Variants in FBN3 observed in about 807,000 individuals in gnomAD.
The protein encoded by FBN3 is fibrillin-3.
FBN3 carries 234 observed loss-of-function variants against 330.1 expected under a neutral mutation model. The ratio of observed to expected loss-of-function variants is 0.71; its 90% CI spans 0.64 to 0.79. FBN3 has a LOEUF of 0.79. FBN3 is among the 30% of genes least tolerant of loss of function. FBN3 has a pLI of 0.00. For missense variants in FBN3, 3,606 were observed against 3,886.9 expected (o/e 0.93, Z 1.92); for synonymous variants, 1,458 against 1,517.3 (o/e 0.96, Z 0.91).
intron 63 of FBN3, among the ~76,000 whole-genome samples, chr19:8,068,113 G>A (rs376443082): frequency 3.3e-5 from 5 of 152,072 alleles, no homozygotes; most frequent in South Asian, 2.1e-4. Context: ...TAGGCTGGGC[G>A]CAGTGGCTCA....
intron 8 of FBN3, among the ~76,000 whole-genome samples, chr19:8,139,166 A>G (rs2083356867): frequency 6.6e-6 from 1 of 151,306 alleles, no homozygotes; most frequent in South Asian, 2.1e-4. Context: ...GGCCAACATG[A>G]CGAAACCCAG....
intron 40 of FBN3, 67 bp downstream of exon 40, chr19:8,102,657 C>T (rs2082351355): frequency 6.7e-7 from 1 of 1,495,820 alleles, no homozygotes; most frequent in African/African-American, 1.4e-5. Flanking sequence ...CCTAAGGGCA[C>T]TGTGTTTCCT....
chr19:8,144,179 T>A (rs1306918592), intron 6 of FBN3, among the ~76,000 whole-genome samples: 7 of 151,900 alleles, frequency 4.6e-5, no homozygotes, highest in African/African-American at 1.7e-4. Context: ...GACAGGCAGA[T>A]CACTTGAGGC....
At chr19:8,075,472 A>G (rs1200497916) in intron 59 of FBN3, 61 bp from the exon 60 acceptor site, 8 of 1,556,594 alleles carry the variant, frequency 5.1e-6, no homozygotes, top group Non-Finnish European at 7.0e-6. Context: ...GTCAGGTGAC[A>G]CAATGCCAGT....
At chr19:8,090,848 T>C (rs537367818) in intron 48 of FBN3, among the ~76,000 whole-genome samples, 55 of 152,240 alleles carry the variant, frequency 3.6e-4, no homozygotes, top group Non-Finnish European at 6.8e-4. Flanking sequence ...GGTGTTCTCA[T>C]GCCAGGAAGA....
Position 8,081,038 on chromosome 19 carries a change from G to A in FBN3, c.7418C>T (p.Pro2473Leu), listed in dbSNP as rs1315446101. 29 of 1,613,348 alleles carry A rather than the reference G, an allele frequency of 1.8e-5. No homozygotes were observed. The highest frequency in any genetic ancestry group is 6.7e-5 in the East Asian group (3 of 44,882). ...NTVGAFTCRC[P>L]PGFTQHHQAC... ...CTGGTGGTGCTGGGTGAAGCCGGGCGGACAGCGGCAGGTGAAGGCGCCCAC... is the reference window on the plus strand; with the variant it reads ...CTGGTGGTGCTGGGTGAAGCCGGGCAGACAGCGGCAGGTGAAGGCGCCCAC... Residue 2473 changes from proline to leucine, a missense_variant, in exon 59 of 64, where the codon CCG (proline) becomes CTG (leucine). Coordinates refer to ENST00000600128, the MANE Select transcript of FBN3 (RefSeq NM_032447.5).
At position 8,125,980 on chromosome 19, in the gene FBN3, G is replaced by A. The variant is rs2082971499; in HGVS notation, c.2643C>T (p.Pro881=). The A allele has an allele frequency of 6.2e-7, 1 of 1,613,836 alleles. No homozygotes were observed. The highest frequency in any genetic ancestry group is 8.5e-7 in the Non-Finnish European group (1 of 1,180,010). The part of the protein sequence containing the change: ...NECESFPGVC[P]NGRCVNTAGS... ...CAGCAGTGTTGACGCAACGCCCGTTGGGACAGACTCCCGGGAAGGACTCAC... is the reference window on the plus strand; with the variant it reads ...CAGCAGTGTTGACGCAACGCCCGTTAGGACAGACTCCCGGGAAGGACTCAC... The change falls in exon 22 of 64, where the codon CCC becomes CCT. Residue 881 remains proline, a synonymous_variant. Transcript: ENST00000600128.
chr19:8,127,765 C>G (rs2083028369), intron 18 of FBN3, among the ~76,000 whole-genome samples: 1 of 152,180 alleles, frequency 6.6e-6, no homozygotes, highest in Admixed American at 6.5e-5. Flanking sequence ...GGGTGGATCA[C>G]TGAGGTCAGG....
chr19:8,107,603 A>G (rs761834890), intron 37 of FBN3, among the ~76,000 whole-genome samples: 8 of 144,624 alleles, frequency 5.5e-5, no homozygotes, highest in Non-Finnish European at 1.1e-4. Flanking sequence ...ATGGACAGAA[A>G]GATGGGGGAT....
chr19:8,127,059 GT>G (rs869282535), intron 18 of FBN3, among the ~76,000 whole-genome samples: 215 of 103,880 alleles, frequency 2.1e-3, no homozygotes, highest in African/African-American at 6.1e-3. Context: ...TTTTTTTTTT[GT>G]TTTTTTTTTT....
chr19:8,138,172 GATCCCACGCGC>G lies in FBN3; in HGVS notation c.1159_1169del (p.Ala387ProfsTer9). The stretch of plus-strand genomic sequence containing the variant: ...TAGAGTTGCCAGGGCCCAGGCTGGG[GATCCCACGCGC>G]ATCAGAGCCATGGGGGTTGAGTCGC... On this transcript the variant is annotated frameshift_variant, in exon 10 of 64. Coordinates refer to ENST00000600128, the MANE Select transcript of FBN3 (RefSeq NM_032447.5). LOFTEE classifies it high-confidence loss of function. 6.2e-7 allele frequency: 1 copy of G among 1,612,372 alleles called. No individual in the cohort carries two copies. Among genetic ancestry groups the G allele is most frequent in the South Asian group, 1.1e-5 (1 of 90,892 alleles).
intron 13 of FBN3, 25 bp downstream of exon 13, chr19:8,135,936 G>GGGGTCCCCCCCCCCCCC: frequency 1.5e-6 from 1 of 668,778 alleles, no homozygotes; most frequent in Non-Finnish European, 2.4e-6. Flanking sequence ...GGAAGCCCCT[G>GGGGTCCCCCCCCCCCCC]CCCACCCGCC....
intron 58 of FBN3, 22 bp downstream of exon 58, chr19:8,081,336 G>A (rs1025298198): frequency 6.3e-7 from 1 of 1,583,214 alleles, no homozygotes. Context: ...GTGGGAGTGG[G>A]GGAGAGTTGA....
In FBN3 at chr19:8,149,236, G is replaced by A. The variant is rs2083620409; in HGVS notation, c.-18+213C>T. 6.6e-6 allele frequency among the ~76,000 whole-genome samples: 1 copy of A among 151,480 alleles called. No individual in the cohort carries two copies. The highest frequency in any genetic ancestry group is 2.1e-4 in the South Asian group (1 of 4,812). Reference sequence around the variant, plus strand: ...GTGGGGTCAGGGGCCCCGCGCCCCGGCCGAGCCCCTCCCGCCGGGTCCCCG... The same window carrying A: ...GTGGGGTCAGGGGCCCCGCGCCCCGACCGAGCCCCTCCCGCCGGGTCCCCG... On this transcript the variant is annotated intron_variant, in intron 1 of 63. Coordinates refer to ENST00000600128, the MANE Select transcript of FBN3 (RefSeq NM_032447.5). The surrounding 1 kb of genome is among the most constrained non-coding windows in gnomAD (Gnocchi z 5.5).
Position 8,121,198 on chromosome 19 carries a change from T to C in FBN3, c.3211+60A>G. 1 of 1,019,638 alleles carries C rather than the reference T, an allele frequency of 9.8e-7. No individual in the cohort carries two copies. Among genetic ancestry groups the C allele is most frequent in the Non-Finnish European group, 1.4e-6 (1 of 709,732 alleles). The allele number at this position is 1,019,638 out of a possible 1,614,324, so 63.2% of individuals were successfully genotyped here. On this transcript the variant is annotated intron_variant, in intron 25 of 63. Coordinates refer to ENST00000600128, the MANE Select transcript of FBN3 (RefSeq NM_032447.5). This position sits in a 1 kb window ranked among gnomAD's most constrained non-coding sequence, Gnocchi z 4.5. ...CAGCAACAGCCGTCCCCACCCTCCC[T>C]CTCCTCAATGCCCTCCCTGCCCAGG...
chr19:8,120,247 G>A (rs1371213050), intron 25 of FBN3, among the ~76,000 whole-genome samples: 1 of 145,472 alleles, frequency 6.9e-6, no homozygotes, highest in Non-Finnish European at 1.5e-5. Flanking sequence ...TCGGCTCACT[G>A]CAACCTCCAC....
chr19:8,111,272 C>G (rs1457277302), intron 32 of FBN3, 89 bp from the exon 33 acceptor site: 1 of 1,458,730 alleles, frequency 6.9e-7, no homozygotes, highest in Admixed American at 2.2e-5. Context: ...TGGAACACTT[C>G]GCTGTCAGCC....
chr19:8,089,245 ATGAG>A (rs1273782336), intron 51 of FBN3, among the ~76,000 whole-genome samples: 1 of 152,182 alleles, frequency 6.6e-6, no homozygotes, highest in African/African-American at 2.4e-5. Context: ...GAGTGAGTGA[ATGAG>A]TGAATGAATG....
At chr19:8,067,850 C>T (rs544424222) in intron 63 of FBN3, among the ~76,000 whole-genome samples, 1 of 152,188 alleles carries the variant, frequency 6.6e-6, no homozygotes, top group Admixed American at 6.6e-5. Context: ...ATTGCTTGAG[C>T]CCAGGAGTTC....
Sources: allele counts gnomAD v4.1 joint callset (sites outside exome capture counted in the v4.1 genomes callset), GRCh38; gene constraint gnomAD v4.1.1; non-coding constraint Gnocchi (gnomAD v3.1); transcripts MANE v1.5; gene names NCBI Gene and HGNC (gene_info 2026-07-23, HGNC 2026-07-21).